Variants in PTPRM observed in about 807,000 individuals in gnomAD.
The protein encoded by PTPRM is protein tyrosine phosphatase receptor type M.
Under a neutral mutation model 186.7 loss-of-function variants are expected in PTPRM, and 47 were observed. That is an observed-to-expected ratio of 0.25 (90% CI 0.20 to 0.32). PTPRM has a LOEUF of 0.32. Among genes scored for constraint, PTPRM ranks in the 10% least tolerant of loss-of-function variants. PTPRM has a pLI of 1.00. For missense variants in PTPRM, 1,494 were observed against 1,865.0 expected (o/e 0.80, Z 3.66); for synonymous variants, 668 against 674.9 (o/e 0.99, Z 0.16).
chr18:8,062,801 G>T (rs1316883686), intron 7 of PTPRM, among the ~76,000 whole-genome samples: 1 of 98,286 alleles, frequency 1.0e-5, no homozygotes, highest in African/African-American at 5.4e-5. Context: ...CACTTGAGGA[G>T]GCAGTCTGCC....
intron 2 of PTPRM, among the ~76,000 whole-genome samples, chr18:7,876,925 T>G (rs1027980026): frequency 9.2e-5 from 14 of 152,194 alleles, no homozygotes; most frequent in African/African-American, 2.7e-4. Context: ...CTACATGATC[T>G]TGAGCAAGCT....
intron 13 of PTPRM, among the ~76,000 whole-genome samples, chr18:8,115,770 T>C (rs1568366089): frequency 6.6e-6 from 1 of 152,202 alleles, no homozygotes; most frequent in Non-Finnish European, 1.5e-5. Flanking sequence ...AACTCTCAGG[T>C]GAACATAGTT....
chr18:8,103,772 T>C (rs192447212), intron 11 of PTPRM, among the ~76,000 whole-genome samples: 2 of 152,294 alleles, frequency 1.3e-5, no homozygotes, highest in East Asian at 1.9e-4. Flanking sequence ...CATTTACAAC[T>C]TGGCTGTTTG....
At chr18:8,017,293 C>A (rs2084930852) in intron 7 of PTPRM, among the ~76,000 whole-genome samples, 1 of 151,976 alleles carries the variant, frequency 6.6e-6, no homozygotes. Context: ...AGTCCCAGCA[C>A]TTTGGGAGAC....
At chr18:7,850,725 G>T (rs533776932) in intron 2 of PTPRM, among the ~76,000 whole-genome samples, 1 of 152,322 alleles carries the variant, frequency 6.6e-6, no homozygotes, top group South Asian at 2.1e-4. Context: ...TTCCCAGCCT[G>T]TGCCTCTGCT....
chr18:8,241,099 G>A (rs1286204161), intron 14 of PTPRM, among the ~76,000 whole-genome samples: 3 of 152,162 alleles, frequency 2.0e-5, no homozygotes, highest in Non-Finnish European at 2.9e-5. Flanking sequence ...AGGCCGAGGC[G>A]AGCGGATCAC....
intron 1 of PTPRM, among the ~76,000 whole-genome samples, chr18:7,665,129 A>G (rs1363632074): frequency 3.3e-5 from 5 of 152,202 alleles, no homozygotes; most frequent in Non-Finnish European, 5.9e-5. Context: ...AGGGATTGCA[A>G]TTAATTTGCT....
chr18:8,253,207 C>A lies in PTPRM; in HGVS notation c.2567-20C>A, dbSNP rs940136030. The A allele has an allele frequency of 2.1e-5, 29 of 1,385,784 alleles. No homozygotes were observed. The highest frequency in any genetic ancestry group is 2.7e-5 in the Non-Finnish European group (28 of 1,055,966). 85.8% of individuals were successfully genotyped at this position (1,385,784 alleles called of 1,614,324 possible). ...GCTCCCTGGCTCTCCCTCATTTTCT[C>A]CCTGGCCTTCTTTTCCTAGATGAAA... On this transcript the variant is annotated intron_variant, in intron 18 of 32. Transcript: ENST00000580170.
intron 2 of PTPRM, among the ~76,000 whole-genome samples, chr18:7,884,213 A>G (rs1392694827): frequency 1.3e-5 from 2 of 152,154 alleles, no homozygotes; most frequent in Non-Finnish European, 2.9e-5. Flanking sequence ...AAGTCATCAT[A>G]ATGAAAGTCA....
At chr18:7,702,441 G>A (rs2039987070) in intron 1 of PTPRM, among the ~76,000 whole-genome samples, 1 of 152,150 alleles carries the variant, frequency 6.6e-6, no homozygotes, top group African/African-American at 2.4e-5. Context: ...CTAATGACCA[G>A]TGATGATGAG....
Position 7,699,727 on chromosome 18 carries a change from GTTT to G in PTPRM, c.74-74409_74-74407del, listed in dbSNP as rs57074624. Among the ~76,000 whole-genome samples, 853 of 149,014 alleles carry G rather than the reference GTTT, an allele frequency of 5.7e-3. 4 individuals carry two copies. Among genetic ancestry groups the G allele is most frequent in the East Asian group, 0.027 (136 of 5,100 alleles). On this transcript the variant is annotated intron_variant, in intron 1 of 32. Coordinates refer to ENST00000580170, the MANE Select transcript of PTPRM (RefSeq NM_001105244.2). ...AATTTTAATAGAGTCTAACTTACAA[GTTT>G]TTTTTTTTTTTTAATAGTTAACATT...
At chr18:7,976,924 T>G (rs566697639) in intron 7 of PTPRM, among the ~76,000 whole-genome samples, 17 of 152,234 alleles carry the variant, frequency 1.1e-4, no homozygotes, top group South Asian at 2.1e-4. Flanking sequence ...TTGCTGTTTT[T>G]TTTTTTTTTT....
chr18:7,976,588 A>G (rs2054959840), intron 7 of PTPRM, among the ~76,000 whole-genome samples: 1 of 152,144 alleles, frequency 6.6e-6, no homozygotes, highest in African/African-American at 2.4e-5. Flanking sequence ...ACGTAAAACT[A>G]TTCTACAAGA....
chr18:7,638,152 C>A (rs1208780136), intron 1 of PTPRM, among the ~76,000 whole-genome samples: 1 of 152,116 alleles, frequency 6.6e-6, no homozygotes, highest in East Asian at 1.9e-4. Context: ...TTCTACTCTA[C>A]CCTAAACACT....
chr18:7,854,996 C>T lies in PTPRM; in HGVS notation c.197-33110C>T, dbSNP rs139125586. On this transcript the variant is annotated intron_variant, in intron 2 of 32. Coordinates refer to ENST00000580170, the MANE Select transcript of PTPRM (RefSeq NM_001105244.2). Reference sequence around the variant, plus strand: ...CTCAGAAATGAGAATGCCAAGCAACCGCCCCAGGCAGATAAACATTTTATA... The same window carrying T: ...CTCAGAAATGAGAATGCCAAGCAACTGCCCCAGGCAGATAAACATTTTATA... Among the ~76,000 whole-genome samples, 478 of 152,164 alleles carry T rather than the reference C, an allele frequency of 3.1e-3. 1 individual carries two copies. Among genetic ancestry groups the T allele is most frequent in the African/African-American group, 0.011 (456 of 41,524 alleles).
chr18:8,150,982 G>T (rs965845333), intron 14 of PTPRM, among the ~76,000 whole-genome samples: 1 of 152,148 alleles, frequency 6.6e-6, no homozygotes. Flanking sequence ...AAAGATTGCT[G>T]CCTGTTCCTT....
intron 2 of PTPRM, among the ~76,000 whole-genome samples, chr18:7,792,655 TTTTG>T (rs1440481326): frequency 2.0e-5 from 3 of 152,154 alleles, no homozygotes; most frequent in Non-Finnish European, 2.9e-5. Context: ...AAAAGTGTTT[TTTTG>T]TTTGTTTGTT....
At chr18:7,663,643 T>A (rs1185566885) in intron 1 of PTPRM, among the ~76,000 whole-genome samples, 1 of 152,208 alleles carries the variant, frequency 6.6e-6, no homozygotes, top group African/African-American at 2.4e-5. Context: ...GCAGGGCTCA[T>A]GTACCATGAA....
At chr18:7,698,026 G>A (rs112961726) in intron 1 of PTPRM, among the ~76,000 whole-genome samples, 203 of 152,334 alleles carry the variant, frequency 1.3e-3, no homozygotes, top group African/African-American at 4.7e-3. Flanking sequence ...TAGTTCGTGA[G>A]TTGTATGGCA....
Sources: allele counts gnomAD v4.1 joint callset (sites outside exome capture counted in the v4.1 genomes callset), GRCh38; gene constraint gnomAD v4.1.1; transcripts MANE v1.5; gene names NCBI Gene and HGNC (gene_info 2026-07-23, HGNC 2026-07-21).